Variants in EML1 observed in about 807,000 individuals in gnomAD.
EML1 encodes echinoderm microtubule-associated protein-like 1.
A neutral mutation model predicts 110.4 loss-of-function variants in EML1; 27 were observed. The observed-to-expected ratio is 0.24, with a 90% CI of 0.18 to 0.34. EML1 has a LOEUF of 0.34. Among genes scored for constraint, EML1 ranks in the 10% least tolerant of loss-of-function variants. The pLI, the probability that EML1 is intolerant of heterozygous loss-of-function variation, is 1.00. For synonymous variants in EML1, 344 were observed against 385.8 expected, an observed-to-expected ratio of 0.89 and a Z score of 1.27; for missense variants, 741 against 1,030.9, an observed-to-expected ratio of 0.72 and a Z score of 3.85.
At chr14:99,809,539 C>T (rs745910669) in intron 1 of EML1, 4 of 422,524 alleles carry the variant, frequency 9.5e-6, no homozygotes, top group East Asian at 7.1e-5. Flanking sequence ...CTGGGAACCT[C>T]GGCCGTGCAC....
intron 1 of EML1, among the ~76,000 whole-genome samples, chr14:99,844,760 T>C (rs560249429): frequency 6.6e-6 from 1 of 152,340 alleles, no homozygotes; most frequent in African/African-American, 2.4e-5. Context: ...GAATGTCATA[T>C]AAATGGAATA....
intron 1 of EML1, among the ~76,000 whole-genome samples, chr14:99,799,086 T>C (rs1317573466): frequency 6.6e-6 from 1 of 152,198 alleles, no homozygotes; most frequent in Non-Finnish European, 1.5e-5. Context: ...GTATCTGCCA[T>C]GTCCCAGATC....
At position 99,936,390 on chromosome 14, in the gene EML1, A is replaced by T. The variant is rs915386289; in HGVS notation, c.2095+56A>T. The T allele has an allele frequency of 6.5e-7, 1 of 1,535,634 alleles. No individual in the cohort carries two copies. The highest frequency in any genetic ancestry group is 9.0e-7 in the Non-Finnish European group (1 of 1,115,000). ...TCGATCTCAGAAAGCGTTCACTCTG[A>T]GATCCAGGGGGCCTCTGTGAGAACC... On this transcript the variant is annotated intron_variant, in intron 19 of 21. Transcript: ENST00000262233. The surrounding 1 kb of genome is among the most constrained non-coding windows in gnomAD (Gnocchi z 5.5).
Position 99,853,293 on chromosome 14 carries a change from T to C in EML1, c.250+2258T>C, listed in dbSNP as rs148461663. Among the ~76,000 whole-genome samples, 112 of 152,312 alleles carry C rather than the reference T, an allele frequency of 7.4e-4. 1 individual carries two copies. The highest frequency in any genetic ancestry group is 2.6e-3 in the African/African-American group (107 of 41,576). On this transcript the variant is annotated intron_variant, in intron 2 of 21. Coordinates refer to ENST00000262233, the MANE Select transcript of EML1 (RefSeq NM_004434.3). ...AAGCAGGTGAATGGGCTGCATCCCC[T>C]GAGTGGAGGGACCTTGGGCTCTCTA...
Position 99,849,247 on chromosome 14 carries a change from C to G in EML1, c.68-1606C>G, listed in dbSNP as rs185573884. Among the ~76,000 whole-genome samples, 7 of 152,156 alleles carry G rather than the reference C, an allele frequency of 4.6e-5. No homozygotes were observed. The East Asian group carries it at 1.4e-3, about 29-fold the overall frequency. On this transcript the variant is annotated intron_variant, in intron 1 of 21. Coordinates refer to ENST00000262233, the MANE Select transcript of EML1 (RefSeq NM_004434.3). The stretch of plus-strand genomic sequence containing the variant: ...AAGATATTTTGCTGGATGTAAAATT[C>G]TGAATTTAGTTTTTTCTCACGTGGT...
chr14:99,814,555 G>A (rs1180232747), intron 1 of EML1, among the ~76,000 whole-genome samples: 1 of 152,204 alleles, frequency 6.6e-6, no homozygotes, highest in Non-Finnish European at 1.5e-5. Context: ...ATGAGCCACT[G>A]TGCCTGGCTG....
chr14:99,744,710 G>C (rs1028695806), intron 1 of EML1, among the ~76,000 whole-genome samples: 1 of 152,210 alleles, frequency 6.6e-6, no homozygotes, highest in East Asian at 1.9e-4. Flanking sequence ...CCCTCCCACG[G>C]AGTTGCATTT....
intron 1 of EML1, among the ~76,000 whole-genome samples, chr14:99,828,510 G>A (rs2058396842): frequency 6.6e-6 from 1 of 152,068 alleles, no homozygotes; most frequent in Admixed American, 6.6e-5. Flanking sequence ...TGTTATAATT[G>A]TTCTATTTTA....
chr14:99,920,902 T>C (rs889132180), intron 17 of EML1, 25 bp downstream of exon 17: 2 of 1,523,956 alleles, frequency 1.3e-6, no homozygotes, highest in African/African-American at 3.7e-5. Context: ...CATTCACTAC[T>C]TTATTTTTTT....
At chr14:99,898,167 T>C in intron 7 of EML1, 66 bp from the exon 8 acceptor site, 1 of 1,383,704 alleles carries the variant, frequency 7.2e-7, no homozygotes, top group Non-Finnish European at 9.8e-7. Flanking sequence ...CTAGATTATA[T>C]TTGAGCAAGG....
intron 1 of EML1, among the ~76,000 whole-genome samples, chr14:99,820,589 G>C (rs1267173542): frequency 1.3e-5 from 2 of 152,322 alleles, no homozygotes; most frequent in Middle Eastern, 3.4e-3. Flanking sequence ...CAAAGATACA[G>C]AGTAATTACT....
intron 17 of EML1, among the ~76,000 whole-genome samples, chr14:99,929,499 T>C (rs2060327297): frequency 6.6e-6 from 1 of 152,200 alleles, no homozygotes; most frequent in African/African-American, 2.4e-5. Context: ...CAGCACTGTG[T>C]GCCCAGCTAG....
intron 8 of EML1, among the ~76,000 whole-genome samples, chr14:99,899,069 G>A (rs186554011): frequency 5.0e-4 from 76 of 152,236 alleles, no homozygotes; most frequent in Non-Finnish European, 8.2e-4. Flanking sequence ...GAGGTTTTTA[G>A]CACAGATTTT....
chr14:99,836,168 GA>G (rs2058537848), intron 1 of EML1, among the ~76,000 whole-genome samples: 2 of 151,712 alleles, frequency 1.3e-5, no homozygotes, highest in African/African-American at 4.8e-5. Flanking sequence ...CGTGAACATG[GA>G]ATATATCTCC....
chr14:99,852,311 T>C (rs1196131836), intron 2 of EML1, among the ~76,000 whole-genome samples: 1 of 152,206 alleles, frequency 6.6e-6, no homozygotes, highest in South Asian at 2.1e-4. Context: ...ATTTAGATGT[T>C]CCTTTAAAAA....
intron 19 of EML1, among the ~76,000 whole-genome samples, chr14:99,937,150 C>T (rs564732629): frequency 1.2e-4 from 19 of 152,196 alleles, no homozygotes; most frequent in Non-Finnish European, 2.6e-4. Context: ...TGTTGAGGAC[C>T]AGGACAGGCA....
At position 99,939,270 on chromosome 14, in the gene EML1, A is replaced by G; in HGVS notation, c.2265A>G (p.Ser755=). 1 of 1,614,216 alleles carries G rather than the reference A, an allele frequency of 6.2e-7. No homozygotes were observed. The highest frequency in any genetic ancestry group is 8.5e-7 in the Non-Finnish European group (1 of 1,180,036). The change falls in exon 21 of 22, where the codon TCA becomes TCG. Residue 755 remains serine, a synonymous_variant. Coordinates refer to ENST00000262233, the MANE Select transcript of EML1 (RefSeq NM_004434.3). The surrounding 1 kb of genome is among the most constrained non-coding windows in gnomAD (Gnocchi z 4.2). The part of the protein sequence containing the change: ...VCRAHEKKLL[S]TGDDFGKVHL... The stretch of plus-strand genomic sequence containing the variant: ...GGGCCCATGAGAAGAAACTCCTGTC[A>G]ACAGGCGACGACTTTGGCAAAGTGC...
At chr14:99,785,182 G>A (rs1199967056) in intron 1 of EML1, among the ~76,000 whole-genome samples, 2 of 152,038 alleles carry the variant, frequency 1.3e-5, no homozygotes, top group African/African-American at 4.8e-5. Flanking sequence ...AGTCTCCCCA[G>A]TAGCTGGGAT....
At chr14:99,768,380 G>A (rs1213489025), upstream of EML1, among the ~76,000 whole-genome samples, 5 of 152,180 alleles carry the variant, frequency 3.3e-5, no homozygotes, top group East Asian at 1.9e-4. Flanking sequence ...GGGTGGTGAC[G>A]TCTGTGGCAG....
Sources: gnomAD v4.1 joint callset for allele counts (sites outside exome capture counted in the v4.1 genomes callset) on GRCh38, gnomAD v4.1.1 for gene constraint, Gnocchi (gnomAD v3.1) non-coding constraint, MANE v1.5 for transcripts, NCBI Gene and HGNC (gene_info 2026-07-23, HGNC 2026-07-21) for gene names.